Variants in CRACR2A observed in about 807,000 individuals in gnomAD.
CRACR2A encodes the protein EF-hand calcium-binding domain-containing protein 4B.
CRACR2A carries 79 observed loss-of-function variants against 90.5 expected under a neutral mutation model. The ratio of observed to expected loss-of-function variants is 0.87; its 90% CI spans 0.73 to 1.05. The LOEUF (loss-of-function observed/expected upper bound fraction) is 1.05. Ranked by LOEUF, CRACR2A falls within the 50% of genes least tolerant of loss-of-function variation. The probability of loss-of-function intolerance (pLI) is 0.00; values close to 1 mark genes in which losing one functional copy is unlikely to be tolerated. For synonymous variants in CRACR2A, 338 were observed against 356.7 expected (o/e 0.95, Z 0.59); for missense variants, 823 against 897.2 (o/e 0.92, Z 1.06).
At chr12:3,683,222 C>T (rs1369605953) in intron 4 of CRACR2A, among the ~76,000 whole-genome samples, 3 of 152,188 alleles carry the variant, frequency 2.0e-5, no homozygotes, top group Admixed American at 6.5e-5. Context: ...ACTGATTTTC[C>T]ATCCAGGGCT....
At chr12:3,698,457 G>A (rs1309367501) in intron 3 of CRACR2A, among the ~76,000 whole-genome samples, 2 of 152,188 alleles carry the variant, frequency 1.3e-5, no homozygotes, top group Non-Finnish European at 2.9e-5. Flanking sequence ...TTTCAGTGAT[G>A]ATCTTCCACT....
At chr12:3,690,478 T>C (rs927675253) in intron 4 of CRACR2A, among the ~76,000 whole-genome samples, 6 of 152,222 alleles carry the variant, frequency 3.9e-5, no homozygotes, top group African/African-American at 1.2e-4. Flanking sequence ...TTTTAGTAAA[T>C]TTCTTAGTCT....
chr12:3,717,117 T>C (rs1268199548), intron 2 of CRACR2A, among the ~76,000 whole-genome samples: 1 of 151,958 alleles, frequency 6.6e-6, no homozygotes, highest in East Asian at 1.9e-4. Flanking sequence ...AGAGAGTGAA[T>C]AGGGTTTGGA....
At chr12:3,728,847 CAGA>C (rs1946314454) in intron 2 of CRACR2A, 1 of 152,224 alleles carries the variant, frequency 6.6e-6, no homozygotes, top group African/African-American at 2.4e-5. Context: ...GGGCTGCGGG[CAGA>C]AGGATGGCTC....
chr12:3,707,083 T>G (rs1165335303), intron 3 of CRACR2A, among the ~76,000 whole-genome samples: 1 of 152,110 alleles, frequency 6.6e-6, no homozygotes, highest in Non-Finnish European at 1.5e-5. Flanking sequence ...TTTCCTGGTG[T>G]GATTTTCCCT....
intron 15 of CRACR2A, among the ~76,000 whole-genome samples, chr12:3,629,545 G>C (rs533733541): frequency 6.6e-6 from 1 of 152,250 alleles, no homozygotes; most frequent in African/African-American, 2.4e-5. Context: ...AGTGCTGCCC[G>C]AGGACAGAGG....
intron 7 of CRACR2A, among the ~76,000 whole-genome samples, chr12:3,661,276 C>A (rs1283857117): frequency 6.6e-6 from 1 of 152,194 alleles, no homozygotes; most frequent in Non-Finnish European, 1.5e-5. Flanking sequence ...CTGACCCAGA[C>A]AAAGGAACAG....
intron 12 of CRACR2A, 68 bp from the exon 13 acceptor site, chr12:3,641,906 A>T: frequency 3.6e-6 from 5 of 1,382,662 alleles, no homozygotes; most frequent in Non-Finnish European, 2.0e-6. Flanking sequence ...AAAAGGGCTC[A>T]TGGTTCCCAC....
intron 12 of CRACR2A, among the ~76,000 whole-genome samples, chr12:3,642,803 G>A (rs888184266): frequency 4.6e-5 from 7 of 152,194 alleles, no homozygotes; most frequent in Non-Finnish European, 7.3e-5. Flanking sequence ...CCTGACAGAT[G>A]TCTTCCAGGA....
In CRACR2A at chr12:3,618,697, G is replaced by GTA. The variant is rs529125508; in HGVS notation, c.2034+572_2034+573dup. ...TTCCATGAAAACAAACTCTGAGGCA[G>GTA]TAAAAGAAGCCAAGGAACCACATTT... is the stretch of plus-strand genomic sequence containing the variant. On this transcript the variant is annotated intron_variant, in intron 18 of 19. Coordinates refer to ENST00000440314, the MANE Select transcript of CRACR2A (RefSeq NM_001144958.2). Among the ~76,000 whole-genome samples the GTA allele has an allele frequency of 1.5e-3, 233 of 152,332 alleles. No individual in the cohort carries two copies. The Middle Eastern group carries it at 0.017, about 11-fold the overall frequency.
chr12:3,749,159 G>A (rs895777240), intron 1 of CRACR2A, among the ~76,000 whole-genome samples: 2 of 152,222 alleles, frequency 1.3e-5, no homozygotes, highest in Non-Finnish European at 2.9e-5. Context: ...TTGTAGTGAG[G>A]CTTCCATAAG....
At chr12:3,731,972 G>A (rs1438127316) in intron 2 of CRACR2A, 2 of 152,182 alleles carry the variant, frequency 1.3e-5, no homozygotes, top group African/African-American at 4.8e-5. Flanking sequence ...CAGACCTCTC[G>A]CCTCTAGAAC....
intron 12 of CRACR2A, 122 bp from the exon 13 acceptor site, chr12:3,641,960 G>T: frequency 1.2e-6 from 1 of 826,036 alleles, no homozygotes; most frequent in Non-Finnish European, 1.9e-6. Flanking sequence ...GGAGTAGGCA[G>T]TGTTCTGGTC....
intron 2 of CRACR2A, among the ~76,000 whole-genome samples, chr12:3,720,498 A>T (rs1946153935): frequency 6.6e-6 from 1 of 152,112 alleles, no homozygotes; most frequent in South Asian, 2.1e-4. Flanking sequence ...ATAAAAATGG[A>T]GGGTACTTAA....
chr12:3,628,036 T>G (rs1161828347), intron 15 of CRACR2A, among the ~76,000 whole-genome samples: 1 of 91,420 alleles, frequency 1.1e-5, no homozygotes, highest in Non-Finnish European at 2.0e-5. Context: ...CTTCCCTCCC[T>G]CTCTCCTTCC....
intron 15 of CRACR2A, among the ~76,000 whole-genome samples, chr12:3,631,773 C>T (rs1944379567): frequency 6.6e-6 from 1 of 152,212 alleles, no homozygotes; most frequent in South Asian, 2.1e-4. Context: ...AGCACCTAGG[C>T]AGGGACCCCT....
intron 6 of CRACR2A, among the ~76,000 whole-genome samples, chr12:3,675,647 C>T (rs961143556): frequency 6.6e-5 from 10 of 152,126 alleles, no homozygotes; most frequent in Admixed American, 6.5e-4. Context: ...ATTTGTTTTA[C>T]TTCCTTTCCC....
chr12:3,621,650 A>AAAAAAAAAAAAAAAAAAAC (rs1944138638), intron 17 of CRACR2A, among the ~76,000 whole-genome samples: 1 of 75,416 alleles, frequency 1.3e-5, no homozygotes, highest in Non-Finnish European at 2.7e-5. Context: ...GACTCTGTCA[A>AAAAAAAAAAAAAAAAAAAC]AAAAAAAAAA....
intron 15 of CRACR2A, among the ~76,000 whole-genome samples, chr12:3,628,643 C>T (rs1448928532): frequency 6.6e-6 from 1 of 152,204 alleles, no homozygotes; most frequent in Non-Finnish European, 1.5e-5. Flanking sequence ...ATTCCCCACT[C>T]CTGCATCCTG....
Sources: allele counts gnomAD v4.1 joint callset (sites outside exome capture counted in the v4.1 genomes callset), GRCh38; gene constraint gnomAD v4.1.1; transcripts MANE v1.5; gene names NCBI Gene and HGNC (gene_info 2026-07-23, HGNC 2026-07-21).